CPEB1: variants seen among roughly 807,000 people sequenced by gnomAD.
The protein encoded by CPEB1 is cytoplasmic polyadenylation element binding protein 1.
CPEB1 carries 7 observed loss-of-function variants against 65.8 expected under a neutral mutation model. The observed-to-expected ratio is 0.11, with a 90% CI of 0.06 to 0.20. CPEB1 has a LOEUF of 0.20. CPEB1 is among the 10% of genes least tolerant of loss of function. The probability of loss-of-function intolerance (pLI) is 1.00; values close to 1 mark genes in which losing one functional copy is unlikely to be tolerated. For synonymous variants in CPEB1, 262 were observed against 260.0 expected (o/e 1.01, Z -0.08); for missense variants, 551 against 712.2 (o/e 0.77, Z 2.58).
chr15:82,571,979 G>C (rs994580792), intron 3 of CPEB1: 1 of 448,984 alleles, frequency 2.2e-6, no homozygotes, highest in Non-Finnish European at 3.0e-6. Flanking sequence ...GCAAGGCAGC[G>C]CCCTCCGGTC....
chr15:82,639,468 G>A (rs1024514612), intron 1 of CPEB1, among the ~76,000 whole-genome samples: 1 of 151,090 alleles, frequency 6.6e-6, no homozygotes, highest in Non-Finnish European at 1.5e-5. Context: ...CAATCATGTG[G>A]GTATTCTTTT....
At chr15:82,571,263 G>A (rs1231770884) in intron 4 of CPEB1, 81 bp downstream of exon 4, 2 of 1,524,960 alleles carry the variant, frequency 1.3e-6, no homozygotes, top group East Asian at 4.6e-5. Flanking sequence ...AAGGGGAACA[G>A]AACAACTGTT....
chr15:82,572,467 T>A (rs931462905), intron 3 of CPEB1, among the ~76,000 whole-genome samples: 11 of 151,720 alleles, frequency 7.3e-5, no homozygotes, highest in Non-Finnish European at 1.3e-4. Flanking sequence ...CATGCCAGAG[T>A]GAGACCTGCC....
At chr15:82,581,917 C>A (rs763279309) in intron 3 of CPEB1, among the ~76,000 whole-genome samples, 2 of 152,184 alleles carry the variant, frequency 1.3e-5, no homozygotes, top group Non-Finnish European at 2.9e-5. Flanking sequence ...CCCATGACTA[C>A]AGAGACCAGT....
intron 1 of CPEB1, chr15:82,637,943 A>G (rs1275460115): frequency 1.3e-5 from 6 of 452,122 alleles, no homozygotes; most frequent in South Asian, 9.5e-5. Context: ...AACCTATTAC[A>G]TATTAACACA....
chr15:82,640,902 A>C (rs1381049048), intron 1 of CPEB1: 1 of 150,074 alleles, frequency 6.7e-6, no homozygotes, highest in Non-Finnish European at 1.5e-5. Context: ...TGATCAGATA[A>C]GGAAAAAAAA....
rs1458380901 is a variant in CPEB1 at position 82,543,713 on chromosome 15, C to T, written c.*879G>A. 1.3e-5 allele frequency: 2 copies of T among 152,122 alleles called. No homozygotes were observed. The highest frequency in any genetic ancestry group is 3.9e-4 in the East Asian group (2 of 5,182). The allele number at this position is 152,122 out of a possible 1,614,324, so 9.4% of individuals were successfully genotyped here. On this transcript the variant is annotated 3_prime_UTR_variant, in exon 13 of 13. Transcript: ENST00000684509. ...TGTGATTAAAAACTTCTATCAACCCCACCCCCCCACATAAGTGCAACTTAA... is the reference window on the plus strand; with the variant it reads ...TGTGATTAAAAACTTCTATCAACCCTACCCCCCCACATAAGTGCAACTTAA...
intron 3 of CPEB1, among the ~76,000 whole-genome samples, chr15:82,612,597 G>A (rs1296930502): frequency 6.6e-6 from 1 of 151,830 alleles, no homozygotes; most frequent in Non-Finnish European, 1.5e-5. Context: ...AGCACTTTGG[G>A]AGTCCAAGGC....
At chr15:82,563,488 C>T (rs1402866268) in intron 4 of CPEB1, among the ~76,000 whole-genome samples, 1 of 148,452 alleles carries the variant, frequency 6.7e-6, no homozygotes, top group Admixed American at 6.8e-5. Flanking sequence ...AGCGGCATGC[C>T]ACCATGTCTG....
intron 3 of CPEB1, among the ~76,000 whole-genome samples, chr15:82,598,138 C>G (rs537332693): frequency 6.6e-6 from 1 of 152,222 alleles, no homozygotes; most frequent in Non-Finnish European, 1.5e-5. Flanking sequence ...TAGCATAAAC[C>G]TACACAGCAT....
intron 6 of CPEB1, 58 bp from the exon 7 acceptor site, chr15:82,554,049 T>C: frequency 9.4e-7 from 1 of 1,067,104 alleles, no homozygotes; most frequent in Non-Finnish European, 1.4e-6. Context: ...AAAGCCACAC[T>C]CTTCCCTGGG....
chr15:82,597,705 G>A (rs529951044), intron 3 of CPEB1, among the ~76,000 whole-genome samples: 1 of 152,166 alleles, frequency 6.6e-6, no homozygotes, highest in African/African-American at 2.4e-5. Flanking sequence ...TTTTCAGGGG[G>A]AATTGGGTTT....
intron 5 of CPEB1, among the ~76,000 whole-genome samples, chr15:82,557,221 A>G (rs1235226618): frequency 6.6e-6 from 1 of 152,240 alleles, no homozygotes; most frequent in Non-Finnish European, 1.5e-5. Context: ...TGCAAAAATT[A>G]ACTGAGGCAA....
chr15:82,587,714 G>A (rs2041912300), intron 3 of CPEB1, among the ~76,000 whole-genome samples: 1 of 152,124 alleles, frequency 6.6e-6, no homozygotes, highest in Admixed American at 6.5e-5. Context: ...ATGGCTCTCT[G>A]ACAGAGAAAT....
intron 3 of CPEB1, among the ~76,000 whole-genome samples, chr15:82,591,508 C>G (rs1277191499): frequency 6.6e-6 from 1 of 152,134 alleles, no homozygotes; most frequent in Non-Finnish European, 1.5e-5. Flanking sequence ...CTCAGGTGAT[C>G]CGCCCACCTC....
At chr15:82,549,348 G>T in intron 10 of CPEB1, 112 bp downstream of exon 10, 1 of 1,025,300 alleles carries the variant, frequency 9.8e-7, no homozygotes, top group South Asian at 1.4e-5. Flanking sequence ...GGTATATGCT[G>T]ATCTGCAGAC....
intron 3 of CPEB1, among the ~76,000 whole-genome samples, chr15:82,611,637 C>T (rs572140095): frequency 6.6e-6 from 1 of 151,914 alleles, no homozygotes; most frequent in South Asian, 2.1e-4. Context: ...CGGTGGCACA[C>T]ACCTGCAGTC....
intron 4 of CPEB1, among the ~76,000 whole-genome samples, chr15:82,558,926 A>C (rs1451731243): frequency 6.6e-6 from 1 of 150,892 alleles, no homozygotes; most frequent in African/African-American, 2.5e-5. Context: ...GGGTGTGCTA[A>C]ATCTAGGAAA....
intron 3 of CPEB1, chr15:82,572,903 A>G: frequency 2.4e-6 from 2 of 846,006 alleles, no homozygotes; most frequent in Admixed American, 6.9e-5. Flanking sequence ...CCTCTTTGCC[A>G]TCTCCTCCCA....
Sources: allele counts gnomAD v4.1 joint callset (sites outside exome capture counted in the v4.1 genomes callset), GRCh38; gene constraint gnomAD v4.1.1; transcripts MANE v1.5; gene names NCBI Gene and HGNC (gene_info 2026-07-23, HGNC 2026-07-21).